Variants in ZCCHC7 observed in about 807,000 individuals in gnomAD.
ZCCHC7 encodes the protein zinc finger CCHC-type containing 7, also known as zinc finger CCHC domain-containing protein 7.
A neutral mutation model predicts 52.0 loss-of-function variants in ZCCHC7; 35 were observed. The observed-to-expected ratio is 0.67, with a 90% CI of 0.51 to 0.89. The LOEUF is 0.89. Ranked by LOEUF, ZCCHC7 falls within the 40% of genes least tolerant of loss-of-function variation. The pLI is 0.00. For synonymous variants in ZCCHC7, 217 were observed against 221.5 expected (o/e 0.98, Z 0.18); for missense variants, 574 against 649.1 (o/e 0.88, Z 1.26).
intron 2 of ZCCHC7, among the ~76,000 whole-genome samples, chr9:37,149,686 T>C (rs1290227562): frequency 6.6e-6 from 1 of 152,208 alleles, no homozygotes; most frequent in Non-Finnish European, 1.5e-5. Context: ...GCATGTAATA[T>C]ATGCTACTTT....
intron 2 of ZCCHC7, among the ~76,000 whole-genome samples, chr9:37,201,005 T>C (rs1434226116): frequency 6.6e-6 from 1 of 152,214 alleles, no homozygotes; most frequent in Non-Finnish European, 1.5e-5. Context: ...AGAGCACTAA[T>C]GGGTAGAAAC....
Position 37,320,320 on chromosome 9 carries a change from C to T in ZCCHC7, c.952-7479C>T, listed in dbSNP as rs150285677. Among the ~76,000 whole-genome samples, 573 of 152,268 alleles carry T rather than the reference C, an allele frequency of 3.8e-3. 2 individuals are homozygous for T. Among genetic ancestry groups the T allele is most frequent in the African/African-American group, 0.013 (542 of 41,542 alleles). On this transcript the variant is annotated intron_variant, in intron 5 of 8. Coordinates refer to ENST00000336755, the MANE Select transcript of ZCCHC7 (RefSeq NM_032226.3). The stretch of plus-strand genomic sequence containing the variant: ...CTCGAACTCCTAACCTCAGGTGATC[C>T]GCCAACCTTGGCCTCCCAAAGTGCT...
At chr9:37,266,190 A>G (rs557010521) in intron 2 of ZCCHC7, among the ~76,000 whole-genome samples, 131 of 152,338 alleles carry the variant, frequency 8.6e-4, no homozygotes, top group African/African-American at 3.1e-3. Context: ...AAACAGAATG[A>G]CCTTCCCAAA....
At chr9:37,153,244 C>T (rs1820630280) in intron 2 of ZCCHC7, among the ~76,000 whole-genome samples, 1 of 150,700 alleles carries the variant, frequency 6.6e-6, no homozygotes, top group African/African-American at 2.4e-5. Context: ...GATCTCGGTT[C>T]ACTGCAACCT....
rs200190337 is a variant in ZCCHC7, at chr9:37,193,214, T to TA, written c.610+66280dup. 5.9e-5 allele frequency among the ~76,000 whole-genome samples: 9 copies of TA among 152,044 alleles called. No homozygotes were observed. The East Asian group carries it at 7.7e-4, about 13-fold the overall frequency. The stretch of plus-strand genomic sequence containing the variant: ...GCTACATCTTTGTATTGCTGAAATT[T>TA]AAAAAAAATCAATAACTTTAACATT... On this transcript the variant is annotated intron_variant, in intron 2 of 8. Transcript: ENST00000336755.
At chr9:37,199,205 A>G (rs999257558) in intron 2 of ZCCHC7, among the ~76,000 whole-genome samples, 1 of 152,194 alleles carries the variant, frequency 6.6e-6, no homozygotes, top group Non-Finnish European at 1.5e-5. Flanking sequence ...ACAAACAGCA[A>G]AAGAAAAAGA....
intron 2 of ZCCHC7, chr9:37,186,976 A>G (rs1822694875): frequency 3.8e-6 from 1 of 266,152 alleles, no homozygotes. Flanking sequence ...TCATTCTAAA[A>G]TAAGTAAAAA....
At chr9:37,189,395 T>TC (rs1822896858) in intron 2 of ZCCHC7, among the ~76,000 whole-genome samples, 1 of 152,300 alleles carries the variant, frequency 6.6e-6, no homozygotes, top group Admixed American at 6.5e-5. Context: ...TGAATTCTTT[T>TC]CCCCCGCTGA....
intron 2 of ZCCHC7, chr9:37,160,155 G>T (rs1474425981): frequency 6.6e-6 from 1 of 152,060 alleles, no homozygotes; most frequent in Non-Finnish European, 1.5e-5. Flanking sequence ...CGGGTGCAGT[G>T]GTGTTACAAC....
intron 6 of ZCCHC7, among the ~76,000 whole-genome samples, chr9:37,344,260 G>A (rs1820816870): frequency 6.6e-6 from 1 of 152,140 alleles, no homozygotes; most frequent in Admixed American, 6.5e-5. Context: ...TTTGGAGAGT[G>A]GATGATCCTT....
intron 2 of ZCCHC7, among the ~76,000 whole-genome samples, chr9:37,168,104 A>C (rs1821527590): frequency 6.6e-6 from 1 of 151,970 alleles, no homozygotes; most frequent in South Asian, 2.1e-4. Flanking sequence ...AAACTCCAGG[A>C]GTTTGTCAAG....
chr9:37,177,793 A>G (rs1467778212), intron 2 of ZCCHC7, among the ~76,000 whole-genome samples: 1 of 151,992 alleles, frequency 6.6e-6, no homozygotes, highest in Non-Finnish European at 1.5e-5. Flanking sequence ...AACAAATCCC[A>G]ATTTGGGACA....
At chr9:37,281,395 TTG>T (rs1827952717) in intron 2 of ZCCHC7, among the ~76,000 whole-genome samples, 2 of 152,188 alleles carry the variant, frequency 1.3e-5, no homozygotes, top group South Asian at 4.1e-4. Context: ...TCTCTCAGTT[TTG>T]TGTGTGTTTT....
At chr9:37,352,857 G>A (rs1419659557) in intron 7 of ZCCHC7, among the ~76,000 whole-genome samples, 2 of 151,700 alleles carry the variant, frequency 1.3e-5, no homozygotes, top group East Asian at 3.9e-4. Context: ...ATGTAAGTTT[G>A]CCATATAACC....
chr9:37,201,778 C>T (rs939589705), intron 2 of ZCCHC7, among the ~76,000 whole-genome samples: 2 of 152,144 alleles, frequency 1.3e-5, no homozygotes, highest in African/African-American at 4.8e-5. Context: ...GGCTTCTAAG[C>T]CACCACTTTT....
At chr9:37,189,220 A>C (rs1307328837) in intron 2 of ZCCHC7, among the ~76,000 whole-genome samples, 1 of 151,778 alleles carries the variant, frequency 6.6e-6, no homozygotes, top group Non-Finnish European at 1.5e-5. Flanking sequence ...AGTCTTGGTC[A>C]GATAAATCCA....
intron 2 of ZCCHC7, among the ~76,000 whole-genome samples, chr9:37,295,032 T>C (rs919590572): frequency 6.6e-6 from 1 of 152,214 alleles, no homozygotes; most frequent in African/African-American, 2.4e-5. Context: ...TAAGCAATCA[T>C]GCTTTGATGT....
At chr9:37,336,248 C>T (rs1830648298) in intron 6 of ZCCHC7, among the ~76,000 whole-genome samples, 1 of 152,114 alleles carries the variant, frequency 6.6e-6, no homozygotes, top group African/African-American at 2.4e-5. Context: ...TTCTCAGATA[C>T]GTCCAGCGAA....
At chr9:37,269,489 C>A (rs834359) in intron 2 of ZCCHC7, among the ~76,000 whole-genome samples, 1 of 150,886 alleles carries the variant, frequency 6.6e-6, no homozygotes, top group Non-Finnish European at 1.5e-5. Flanking sequence ...TGTTGCAGTG[C>A]GTGCCTATAG....
Sources: allele counts gnomAD v4.1 joint callset (sites outside exome capture counted in the v4.1 genomes callset), GRCh38; gene constraint gnomAD v4.1.1; transcripts MANE v1.5; gene names NCBI Gene and HGNC (gene_info 2026-07-23, HGNC 2026-07-21).